Variants in ZDHHC15 observed in about 807,000 individuals in gnomAD.
The protein encoded by ZDHHC15 is zDHHC palmitoyltransferase 15, also known as palmitoyltransferase ZDHHC15.
A neutral mutation model predicts 31.7 loss-of-function variants in ZDHHC15; 19 were observed. That is an observed-to-expected ratio of 0.60 (90% CI 0.42 to 0.88). ZDHHC15 has a LOEUF of 0.88. ZDHHC15 is among the 40% of genes least tolerant of loss of function. ZDHHC15 has a pLI of 0.00. For synonymous variants in ZDHHC15, 103 were observed against 90.0 expected (o/e 1.14, Z -0.82); for missense variants, 209 against 251.2 (o/e 0.83, Z 1.14).
chrX:75,466,689 T>C (rs2084412047), intron 3 of ZDHHC15, among the ~76,000 whole-genome samples: 1 of 111,400 alleles, frequency 9.0e-6, no homozygotes, highest in Non-Finnish European at 1.9e-5. Flanking sequence ...GTGGTACATA[T>C]ACACCATGGA....
Position 75,495,581 on chromosome X carries a change from C to A in ZDHHC15, c.163+10240G>T, listed in dbSNP as rs1047278980. Among the ~76,000 whole-genome samples, 3 of 110,716 alleles carry A rather than the reference C, an allele frequency of 2.7e-5. No individual in the cohort carries two copies. In the Admixed American group the frequency reaches 2.9e-4, roughly 11 times the overall value. The stretch of plus-strand genomic sequence containing the variant: ...ATTAAGAAAATGTGGCACATACACA[C>A]CATGGAATACCATGCAGCCATAAAA... On this transcript the variant is annotated intron_variant, in intron 2 of 11. Transcript: ENST00000373367.
At position 75,393,154 on chromosome X, in the gene ZDHHC15, G is replaced by T. The variant is rs763075039; in HGVS notation, c.968-13956C>A. ...GACTGATTTCATCTTGATAGTCTGG[G>T]TCAATCACCCCAGACAACACTGTAA... On this transcript the variant is annotated intron_variant, in intron 10 of 11. Transcript: ENST00000373367. Among the ~76,000 whole-genome samples, 4 of 111,159 alleles carry T rather than the reference G, an allele frequency of 3.6e-5. No individual in the cohort carries two copies. In the East Asian group the frequency reaches 1.1e-3, roughly 32 times the overall value.
chrX:75,437,390 C>G (rs1184537382), intron 4 of ZDHHC15, among the ~76,000 whole-genome samples: 12 of 94,191 alleles, frequency 1.3e-4, no homozygotes, highest in African/African-American at 4.7e-4. Flanking sequence ...CACCCACTAA[C>G]TCGTCATCTA....
chrX:75,468,762 C>T (rs1187439731), intron 3 of ZDHHC15, among the ~76,000 whole-genome samples: 2 of 111,898 alleles, frequency 1.8e-5, no homozygotes, highest in African/African-American at 6.5e-5. Flanking sequence ...TTTAATTTGG[C>T]TATCCTAGTA....
chrX:75,482,296 A>G (rs148621493), intron 2 of ZDHHC15, among the ~76,000 whole-genome samples: 1,314 of 111,946 alleles, frequency 0.012, 17 homozygotes, highest in African/African-American at 0.041. Context: ...TTATTTTTTA[A>G]AAGAGTTGTT....
chrX:75,434,408 T>A (rs1366244501), intron 4 of ZDHHC15, among the ~76,000 whole-genome samples: 1 of 112,126 alleles, frequency 8.9e-6, no homozygotes. Context: ...ACTATTTGCA[T>A]AGGCCAATAT....
intron 2 of ZDHHC15, among the ~76,000 whole-genome samples, chrX:75,479,780 G>C (rs1490503617): frequency 9.0e-6 from 1 of 111,572 alleles, no homozygotes; most frequent in Non-Finnish European, 1.9e-5. Context: ...TTCTGTGTCT[G>C]AGTTGTTTCA....
chrX:75,447,020 C>G (rs2147900261), intron 4 of ZDHHC15, among the ~76,000 whole-genome samples: 1 of 112,149 alleles, frequency 8.9e-6, no homozygotes, highest in Non-Finnish European at 1.9e-5. Flanking sequence ...CTACCCACCC[C>G]AGTTACTGCC....
Position 75,513,878 on chromosome X carries a change from C to CAA in ZDHHC15, c.137-8033_137-8032dup, listed in dbSNP as rs201148072. Among the ~76,000 whole-genome samples, 7,897 of 103,077 alleles carry CAA rather than the reference C, an allele frequency of 0.077. 1,016 individuals carry two copies. In the East Asian group the frequency reaches 0.78, roughly 10 times the overall value. The allele number at this position is 103,077 out of a possible 115,157, so 89.5% of individuals were successfully genotyped here. A position where few individuals can be genotyped will look rare whatever the true frequency, so the allele number is the denominator to read the frequency against. Reference sequence around the variant, plus strand: ...GCAGGAAAATTGACTTTTTACATAACAAAAAAAAAACAATAAGACTAACAG... The same window carrying CAA: ...GCAGGAAAATTGACTTTTTACATAACAAAAAAAAAAAACAATAAGACTAACAG... On this transcript the variant is annotated intron_variant, in intron 1 of 11. Transcript: ENST00000373367.
intron 10 of ZDHHC15, chrX:75,384,487 G>C: frequency 1.4e-6 from 1 of 721,973 alleles, no homozygotes; most frequent in East Asian, 3.2e-5. Context: ...AATGGGTACT[G>C]TTCAAAAAGG....
intron 10 of ZDHHC15, among the ~76,000 whole-genome samples, chrX:75,411,831 A>C (rs180716128): frequency 8.9e-6 from 1 of 112,284 alleles, no homozygotes; most frequent in African/African-American, 3.2e-5. Context: ...AAAAAATGAA[A>C]ATGCAACTTA....
At chrX:75,510,133 T>G (rs2085237931) in intron 1 of ZDHHC15, among the ~76,000 whole-genome samples, 2 of 111,752 alleles carry the variant, frequency 1.8e-5, no homozygotes, top group African/African-American at 6.5e-5. Flanking sequence ...CATTTACTTT[T>G]AAGGCAGTCC....
chrX:75,370,202 C>G lies in ZDHHC15; in HGVS notation c.*2776G>C, dbSNP rs1002950547. On this transcript the variant is annotated 3_prime_UTR_variant, in exon 12 of 12. Coordinates refer to ENST00000373367, the MANE Select transcript of ZDHHC15 (RefSeq NM_144969.3). The stretch of plus-strand genomic sequence containing the variant: ...CATAGCACCCTTCAGCAGTAGGATC[C>G]TAACAATGAGTATCTTCATTTTGCA... 9.0e-6 allele frequency: 1 copy of G among 111,375 alleles called. No individual in the cohort carries two copies. The highest frequency in any genetic ancestry group is 3.3e-5 in the African/African-American group (1 of 30,642). 9.2% of individuals were successfully genotyped at this position (111,375 alleles called of 1,213,427 possible).
intron 2 of ZDHHC15, among the ~76,000 whole-genome samples, chrX:75,491,760 C>T (rs1294117949): frequency 4.5e-5 from 5 of 110,884 alleles, no homozygotes; most frequent in Non-Finnish European, 9.4e-5. Flanking sequence ...TTGTCACCAC[C>T]AGGCCTGCCC....
intron 2 of ZDHHC15, among the ~76,000 whole-genome samples, chrX:75,502,463 G>C (rs898932022): frequency 4.6e-4 from 51 of 111,572 alleles, no homozygotes; most frequent in African/African-American, 1.6e-3. Flanking sequence ...TTTCTGAAAA[G>C]GTAAATAATT....
At chrX:75,412,597 A>T (rs903537053) in intron 10 of ZDHHC15, among the ~76,000 whole-genome samples, 5 of 110,471 alleles carry the variant, frequency 4.5e-5, no homozygotes, top group African/African-American at 1.6e-4. Flanking sequence ...ACGCCCGGCT[A>T]ATTTTTTGTA....
chrX:75,523,019 C>A lies in ZDHHC15; in HGVS notation c.6G>T (p.Arg2=). 8.3e-7 allele frequency: 1 copy of A among 1,208,143 alleles called. No homozygotes were observed. Among genetic ancestry groups the A allele is most frequent in the Non-Finnish European group, 1.1e-6 (1 of 893,628 alleles). M[R]RGWKMALSGG... is the part of the protein sequence containing the mutation. ...CAGACAGAGCCATCTTCCAGCCTCG[C>A]CGCATCTTTGGCTCGAAGATCGACC... The change falls in exon 1 of 12, where the codon CGG becomes CGT. Residue 2 remains arginine (R), a synonymous_variant. Coordinates refer to ENST00000373367, the MANE Select transcript of ZDHHC15 (RefSeq NM_144969.3).
chrX:75,390,015 T>C (rs2083223964), intron 10 of ZDHHC15, among the ~76,000 whole-genome samples: 1 of 111,115 alleles, frequency 9.0e-6, no homozygotes, highest in Non-Finnish European at 1.9e-5. Flanking sequence ...TCGGACAGGA[T>C]TCACCATACC....
chrX:75,386,707 G>A (rs1213722550), intron 10 of ZDHHC15, among the ~76,000 whole-genome samples: 2 of 112,177 alleles, frequency 1.8e-5, no homozygotes, highest in African/African-American at 6.5e-5. Context: ...AAACTTCTGG[G>A]CTCAAGCAGT....
Sources: gnomAD v4.1 joint callset for allele counts (sites outside exome capture counted in the v4.1 genomes callset) on GRCh38, gnomAD v4.1.1 for gene constraint, MANE v1.5 for transcripts, NCBI Gene and HGNC (gene_info 2026-07-23, HGNC 2026-07-21) for gene names.